The following PHIP variants were observed in gnomAD, a reference collection of about 807,000 sequenced individuals.
The protein encoded by PHIP is PHIP subunit of CUL4-Ring ligase complex.
PHIP carries 54 observed loss-of-function variants against 236.8 expected under a neutral mutation model. The ratio of observed to expected loss-of-function variants is 0.23; its 90% CI spans 0.18 to 0.29. The LOEUF (loss-of-function observed/expected upper bound fraction) is 0.29, where lower values mean the gene tolerates loss of function less well. Ranked by LOEUF, PHIP falls within the 10% of genes least tolerant of loss-of-function variation. The pLI is 1.00. For missense variants in PHIP, 1,370 were observed against 2,190.8 expected (o/e 0.63, Z 7.48); for synonymous variants, 756 against 718.9 (o/e 1.05, Z -0.83).
intron 4 of PHIP, among the ~76,000 whole-genome samples, chr6:79,062,445 G>A (rs1773424111): frequency 6.6e-6 from 1 of 152,152 alleles, no homozygotes; most frequent in Non-Finnish European, 1.5e-5. Flanking sequence ...TAGAATACTT[G>A]TAAGGTTGCT....
intron 6 of PHIP, among the ~76,000 whole-genome samples, chr6:79,045,597 T>C (rs181368616): frequency 6.6e-6 from 1 of 152,240 alleles, no homozygotes. Context: ...TATAGTTTTA[T>C]GGCAGAAGGG....
At chr6:78,951,393 T>C (rs374621542) in intron 35 of PHIP, among the ~76,000 whole-genome samples, 1 of 152,156 alleles carries the variant, frequency 6.6e-6, no homozygotes, top group South Asian at 2.1e-4. Flanking sequence ...ATTTTTAACA[T>C]CTTGCTTTGA....
At chr6:79,035,394 T>C (rs900354181) in intron 7 of PHIP, among the ~76,000 whole-genome samples, 2 of 152,156 alleles carry the variant, frequency 1.3e-5, no homozygotes, top group African/African-American at 4.8e-5. Context: ...ACTGTACACA[T>C]TGGGAAACAG....
chr6:78,977,909 G>C (rs896578954), intron 24 of PHIP, among the ~76,000 whole-genome samples: 5 of 151,760 alleles, frequency 3.3e-5, no homozygotes, highest in Non-Finnish European at 5.9e-5. Flanking sequence ...CTGTAAATTA[G>C]TGTGCTTTGC....
intron 29 of PHIP, among the ~76,000 whole-genome samples, chr6:78,963,536 T>C (rs1227412428): frequency 2.0e-5 from 3 of 152,152 alleles, no homozygotes; most frequent in Non-Finnish European, 4.4e-5. Flanking sequence ...TTCTATAAAA[T>C]ATGCAAATTT....
chr6:78,936,104 G>C lies in PHIP; in HGVS notation c.*4589C>G, dbSNP rs139983593. ...CTGCTGTTTATAATATGATACTCCA[G>C]GTTCGGAAGGAAAAAAACAAACTTC... On this transcript the variant is annotated 3_prime_UTR_variant, in exon 40 of 40. Coordinates refer to ENST00000275034, the MANE Select transcript of PHIP (RefSeq NM_017934.7). 6.6e-6 allele frequency: 1 copy of C among 151,928 alleles called. No individual in the cohort carries two copies. The highest frequency in any genetic ancestry group is 6.5e-5 in the Admixed American group (1 of 15,272). 9.4% of individuals were successfully genotyped at this position (151,928 alleles called of 1,614,324 possible). A position where few individuals can be genotyped will look rare whatever the true frequency, so the allele number is the denominator to read the frequency against.
chr6:78,946,469 T>C lies in PHIP; in HGVS notation c.4371-209A>G, dbSNP rs1392948375. Reference sequence around the variant, plus strand: ...TGCTAAAGTTATATGACGGAAAGCATGATGCCATCACTATCCTAAAAATGC... The same window carrying C: ...TGCTAAAGTTATATGACGGAAAGCACGATGCCATCACTATCCTAAAAATGC... On this transcript the variant is annotated intron_variant, in intron 37 of 39. Transcript: ENST00000275034. The C allele has an allele frequency of 2.9e-6, 4 of 1,401,344 alleles. No homozygotes were observed. In the South Asian group the frequency reaches 5.1e-5, roughly 18 times the overall value. 86.8% of individuals were successfully genotyped at this position (1,401,344 alleles called of 1,614,324 possible). A position where few individuals can be genotyped will look rare whatever the true frequency, so the allele number is the denominator to read the frequency against.
intron 27 of PHIP, among the ~76,000 whole-genome samples, chr6:78,968,263 G>C (rs1215160915): frequency 6.6e-6 from 1 of 152,178 alleles, no homozygotes; most frequent in African/African-American, 2.4e-5. Context: ...ACTACTTCTT[G>C]ACTTACAGAT....
chr6:78,948,021 G>A (rs1270578180), intron 35 of PHIP, among the ~76,000 whole-genome samples: 2 of 151,660 alleles, frequency 1.3e-5, no homozygotes, highest in African/African-American at 4.8e-5. Context: ...ATTTTTCACT[G>A]GAGACTTGGG....
Position 78,958,551 on chromosome 6 carries a change from G to T in PHIP, c.3706C>A (p.Arg1236=). The change falls in exon 32 of 40, where the codon CGA becomes AGA. Residue 1236 remains arginine, a synonymous_variant. Coordinates refer to ENST00000275034, the MANE Select transcript of PHIP (RefSeq NM_017934.7). ...WEVRYIEHNT[R]TFNEPGSPIV... ...GGGCTTCCAGGCTCATTAAATGTTC[G>T]TGTATTATGCTCTATATATCGAACT... The T allele has an allele frequency of 6.3e-7, 1 of 1,577,612 alleles. No individual in the cohort carries two copies. Among genetic ancestry groups the T allele is most frequent in the Non-Finnish European group, 8.7e-7 (1 of 1,147,408 alleles).
At chr6:78,985,030 G>T (rs963053454) in intron 22 of PHIP, among the ~76,000 whole-genome samples, 1 of 151,776 alleles carries the variant, frequency 6.6e-6, no homozygotes, top group Non-Finnish European at 1.5e-5. Flanking sequence ...TAACTCAGGA[G>T]GCTTGCATTG....
chr6:78,997,112 ATAGT>A (rs1375813584), intron 19 of PHIP, among the ~76,000 whole-genome samples: 2 of 152,062 alleles, frequency 1.3e-5, no homozygotes, highest in African/African-American at 2.4e-5. Context: ...ATTTTAAGAT[ATAGT>A]TAAACAGGAC....
chr6:78,934,770 C>G lies in PHIP; in HGVS notation c.*5923G>C, dbSNP rs185335665. 1.8e-3 allele frequency among the ~76,000 whole-genome samples: 270 copies of G among 152,314 alleles called. No individual in the cohort carries two copies. The highest frequency in any genetic ancestry group is 6.2e-3 in the African/African-American group (257 of 41,576). On this transcript the variant is annotated 3_prime_UTR_variant, in exon 40 of 40. Transcript: ENST00000275034. ...CTTTACAGATGAGGAAAATGAAGCT[C>G]TGAGATACGACTTTGCTGGGGTTCC...
chr6:78,996,554 G>A lies in PHIP; in HGVS notation c.2201+860C>T, dbSNP rs142276243. On this transcript the variant is annotated intron_variant, in intron 19 of 39. Transcript: ENST00000275034. ...TAAACAAGAATCTAACTAAAAATAT[G>A]CCATGTGAGTTAATTAATTTATGAC... Among the ~76,000 whole-genome samples, 96 of 152,210 alleles carry A rather than the reference G, an allele frequency of 6.3e-4. 1 individual carries two copies. The South Asian group carries it at 8.1e-3, about 13-fold the overall frequency.
chr6:79,052,734 A>G (rs959009100), intron 6 of PHIP, among the ~76,000 whole-genome samples: 1 of 152,216 alleles, frequency 6.6e-6, no homozygotes, highest in Non-Finnish European at 1.5e-5. Context: ...ACCTGATCTC[A>G]TAAGTATCTG....
chr6:79,043,085 C>T lies in PHIP; in HGVS notation c.440-82G>A, dbSNP rs1772305106. ...TCACCTTTTAAGAATTCACATACTC[C>T]AATTTGTCATGTGCAGGTAAAAATA... On this transcript the variant is annotated intron_variant, in intron 6 of 39. Coordinates refer to ENST00000275034, the MANE Select transcript of PHIP (RefSeq NM_017934.7). 4.6e-6 allele frequency: 5 copies of T among 1,092,862 alleles called. No homozygotes were observed. In the Admixed American group the frequency reaches 1.1e-4, roughly 24 times the overall value. 67.7% of individuals were successfully genotyped at this position (1,092,862 alleles called of 1,614,324 possible).
chr6:79,019,928 T>C (rs185157242), intron 9 of PHIP, among the ~76,000 whole-genome samples: 2 of 152,278 alleles, frequency 1.3e-5, no homozygotes, highest in African/African-American at 2.4e-5. Context: ...ACAATGTGTA[T>C]GTAATGTTCC....
rs1773290229 is a variant in PHIP at position 78,936,866 on chromosome 6, T to C, written c.*3827A>G. On this transcript the variant is annotated 3_prime_UTR_variant, in exon 40 of 40. Transcript: ENST00000275034. ...AAATAGTTTCTTAGTAAATGTAATATTAATTTTAGTTCAGATCACTTGGAA... is the reference window on the plus strand; with the variant it reads ...AAATAGTTTCTTAGTAAATGTAATACTAATTTTAGTTCAGATCACTTGGAA... The C allele has an allele frequency of 6.6e-6, 1 of 151,794 alleles. No homozygotes were observed. The highest frequency in any genetic ancestry group is 2.4e-5 in the African/African-American group (1 of 41,412). 9.4% of individuals were successfully genotyped at this position (151,794 alleles called of 1,614,324 possible).
At chr6:78,981,888 C>T (rs1370986104) in intron 23 of PHIP, among the ~76,000 whole-genome samples, 1 of 151,776 alleles carries the variant, frequency 6.6e-6, no homozygotes, top group African/African-American at 2.4e-5. Flanking sequence ...CAAACAAAAG[C>T]AAAGGAGACA....
Sources: allele counts gnomAD v4.1 joint callset (sites outside exome capture counted in the v4.1 genomes callset), GRCh38; gene constraint gnomAD v4.1.1; transcripts MANE v1.5; gene names NCBI Gene and HGNC (gene_info 2026-07-23, HGNC 2026-07-21).